The following MAGI2 variants were observed in gnomAD, a reference collection of about 807,000 sequenced individuals.
The protein encoded by MAGI2 is membrane associated guanylate kinase, WW and PDZ domain containing 2, also known as membrane-associated guanylate kinase, WW and PDZ domain-containing protein 2.
In MAGI2, 35 loss-of-function variants were observed where a neutral mutation model predicts 133.3. The ratio of observed to expected loss-of-function variants is 0.26; its 90% CI spans 0.20 to 0.35. The LOEUF is 0.35. MAGI2 is among the 10% of genes least tolerant of loss of function. The probability of loss-of-function intolerance (pLI) is 1.00; values close to 1 mark genes in which losing one functional copy is unlikely to be tolerated. For missense variants in MAGI2, 1,636 were observed against 1,863.4 expected (o/e 0.88, Z 2.25); for synonymous variants, 729 against 710.6 (o/e 1.03, Z -0.41).
chr7:79,039,863 A>ATAATATATATG (rs1562820296), intron 1 of MAGI2, among the ~76,000 whole-genome samples: 2 of 145,376 alleles, frequency 1.4e-5, no homozygotes, highest in Non-Finnish European at 3.0e-5. Flanking sequence ...TATTATATAT[A>ATAATATATATG]TATAATATAT....
chr7:78,668,477 G>GT (rs1238806836), intron 2 of MAGI2, among the ~76,000 whole-genome samples: 1 of 151,004 alleles, frequency 6.6e-6, no homozygotes, highest in African/African-American at 2.4e-5. Context: ...CCATGCCTAT[G>GT]TCCTGAATGG....
chr7:78,083,788 T>TA (rs1816319817), intron 20 of MAGI2, among the ~76,000 whole-genome samples: 1 of 152,204 alleles, frequency 6.6e-6, no homozygotes, highest in Non-Finnish European at 1.5e-5. Flanking sequence ...GCTTTCCAGG[T>TA]AAAAAACTTT....
intron 1 of MAGI2, among the ~76,000 whole-genome samples, chr7:79,223,945 C>A (rs1345491578): frequency 6.6e-6 from 1 of 151,984 alleles, no homozygotes; most frequent in Non-Finnish European, 1.5e-5. Flanking sequence ...TCTCTTCTTC[C>A]CAGTGAAATC....
chr7:79,338,495 C>T (rs1840653750), intron 1 of MAGI2, among the ~76,000 whole-genome samples: 1 of 152,140 alleles, frequency 6.6e-6, no homozygotes, highest in South Asian at 2.1e-4. Context: ...GCAAGCTCAA[C>T]ACTGAAAATT....
At chr7:78,120,563 G>A (rs1820334803) in intron 20 of MAGI2, among the ~76,000 whole-genome samples, 1 of 152,146 alleles carries the variant, frequency 6.6e-6, no homozygotes, top group African/African-American at 2.4e-5. Context: ...AGCTAAGTAT[G>A]GCATTGATGC....
intron 5 of MAGI2, among the ~76,000 whole-genome samples, chr7:78,495,127 T>C (rs1793968150): frequency 6.6e-6 from 1 of 152,166 alleles, no homozygotes; most frequent in African/African-American, 2.4e-5. Context: ...ACACTTTTAT[T>C]ATTATTATAA....
rs145510162 is a variant in MAGI2, at chr7:79,273,953, C to T, written c.301+179067G>A. ...ACAACAACAACAAAATTCCCTGATT[C>T]GACCAATTGAACATAGGAGTAAATG... On this transcript the variant is annotated intron_variant, in intron 1 of 21. Coordinates refer to ENST00000354212, the MANE Select transcript of MAGI2 (RefSeq NM_012301.4). Among the ~76,000 whole-genome samples, 76 of 152,116 alleles carry T rather than the reference C, an allele frequency of 5.0e-4. No individual in the cohort carries two copies. In the East Asian group the frequency reaches 0.012, roughly 24 times the overall value.
intron 3 of MAGI2, among the ~76,000 whole-genome samples, chr7:78,609,295 C>T (rs1436024563): frequency 6.6e-5 from 10 of 152,068 alleles, no homozygotes; most frequent in Non-Finnish European, 1.3e-4. Context: ...AACTTGAAGC[C>T]ATATATATCT....
intron 2 of MAGI2, among the ~76,000 whole-genome samples, chr7:78,694,284 A>G (rs2151130560): frequency 6.6e-6 from 1 of 152,310 alleles, no homozygotes; most frequent in East Asian, 1.9e-4. Context: ...CAGCCAAATT[A>G]TACACCTACA....
rs78560373 is a variant in MAGI2 at position 79,255,138 on chromosome 7, C to A, written c.301+197882G>T. ...TTTTTCTATAAACTTGTGATACTTT[C>A]ATTATTATACTTACTTACAAACACC... On this transcript the variant is annotated intron_variant, in intron 1 of 21. Coordinates refer to ENST00000354212, the MANE Select transcript of MAGI2 (RefSeq NM_012301.4). 2.4e-3 allele frequency among the ~76,000 whole-genome samples: 368 copies of A among 152,248 alleles called. 10 individuals carry two copies. In the East Asian group the frequency reaches 0.047, roughly 20 times the overall value.
intron 2 of MAGI2, among the ~76,000 whole-genome samples, chr7:78,633,177 T>C (rs1042085046): frequency 1.3e-5 from 2 of 152,064 alleles, no homozygotes; most frequent in Non-Finnish European, 2.9e-5. Flanking sequence ...CACTTATAAG[T>C]GGGAGCTAAA....
intron 2 of MAGI2, among the ~76,000 whole-genome samples, chr7:78,633,583 G>A (rs942315833): frequency 6.6e-6 from 1 of 151,930 alleles, no homozygotes; most frequent in Non-Finnish European, 1.5e-5. Flanking sequence ...GCGGGCGCCT[G>A]TAGTCCCAGC....
chr7:78,924,407 G>A (rs1404221165), intron 2 of MAGI2, among the ~76,000 whole-genome samples: 4 of 152,130 alleles, frequency 2.6e-5, no homozygotes, highest in African/African-American at 4.8e-5. Flanking sequence ...ACCATGAAGT[G>A]TTGTTGAATT....
chr7:78,215,913 T>C (rs76948377), intron 10 of MAGI2, among the ~76,000 whole-genome samples: 9,965 of 152,246 alleles, frequency 0.065, 672 homozygotes, highest in African/African-American at 0.17. Context: ...GGGGTAGACT[T>C]ATGAGGCATA....
At position 78,255,781 on chromosome 7, in the gene MAGI2, CAA is replaced by C. The variant is rs563206344; in HGVS notation, c.2047+160_2047+161del. On this transcript the variant is annotated intron_variant, in intron 10 of 21. Coordinates refer to ENST00000354212, the MANE Select transcript of MAGI2 (RefSeq NM_012301.4). ...AAAAGACATATTCTGAATTCAAAAA[CAA>C]AGTTTCCTTTAATTCATGTTTTTCT... The C allele has an allele frequency of 1.4e-4, 103 of 745,152 alleles. No homozygotes were observed. The East Asian group carries it at 2.6e-3, about 19-fold the overall frequency. The allele number at this position is 745,152 out of a possible 1,614,324, so 46.2% of individuals were successfully genotyped here. A position where few individuals can be genotyped will look rare whatever the true frequency, so the allele number is the denominator to read the frequency against.
At chr7:78,885,339 C>T (rs1023875760) in intron 2 of MAGI2, among the ~76,000 whole-genome samples, 4 of 152,086 alleles carry the variant, frequency 2.6e-5, no homozygotes, top group South Asian at 2.1e-4. Flanking sequence ...AAAATCAACA[C>T]GTATGCTAAT....
At chr7:78,587,010 C>T (rs1803487623) in intron 3 of MAGI2, among the ~76,000 whole-genome samples, 1 of 152,150 alleles carries the variant, frequency 6.6e-6, no homozygotes, top group Non-Finnish European at 1.5e-5. Flanking sequence ...CACCTTTTGG[C>T]TATTGTAAAT....
At chr7:78,372,350 A>T (rs1794003742) in intron 6 of MAGI2, among the ~76,000 whole-genome samples, 1 of 151,934 alleles carries the variant, frequency 6.6e-6, no homozygotes, top group East Asian at 1.9e-4. Context: ...GGATTAGTTT[A>T]AAAAAACAAA....
chr7:79,274,586 T>A (rs200308018), intron 1 of MAGI2, among the ~76,000 whole-genome samples: 23 of 27,618 alleles, frequency 8.3e-4, no homozygotes, highest in Admixed American at 1.2e-3. Context: ...TATTATATAT[T>A]TTTTTTCAAT....
Sources: gnomAD v4.1 joint callset for allele counts (sites outside exome capture counted in the v4.1 genomes callset) on GRCh38, gnomAD v4.1.1 for gene constraint, MANE v1.5 for transcripts, NCBI Gene and HGNC (gene_info 2026-07-23, HGNC 2026-07-21) for gene names.